CDH10: variants seen among roughly 807,000 people sequenced by gnomAD.
CDH10 encodes the protein cadherin 10, also known as cadherin-10.
In CDH10, 30 loss-of-function variants were observed where a neutral mutation model predicts 73.1. The ratio of observed to expected loss-of-function variants is 0.41; its 90% CI spans 0.31 to 0.56. The LOEUF is 0.56. CDH10 is among the 20% of genes least tolerant of loss of function. The probability of loss-of-function intolerance (pLI) is 0.27; values close to 1 mark genes in which losing one functional copy is unlikely to be tolerated. For synonymous variants in CDH10, 345 were observed against 348.2 expected (o/e 0.99, Z 0.10); for missense variants, 815 against 973.7 (o/e 0.84, Z 2.17).
chr5:24,492,046 T>C (rs148968485), intron 10 of CDH10, among the ~76,000 whole-genome samples: 46 of 152,324 alleles, frequency 3.0e-4, no homozygotes, highest in African/African-American at 1.0e-3. Context: ...GGTTTTCATG[T>C]AATTCCTCAG....
chr5:24,611,132 G>A (rs924817927), intron 1 of CDH10, among the ~76,000 whole-genome samples: 6 of 152,270 alleles, frequency 3.9e-5, no homozygotes, highest in African/African-American at 1.4e-4. Flanking sequence ...CAGTTGCTCA[G>A]TAAGTTCCTG....
chr5:24,563,911 C>G (rs1745066460), intron 2 of CDH10, among the ~76,000 whole-genome samples: 1 of 151,892 alleles, frequency 6.6e-6, no homozygotes, highest in South Asian at 2.1e-4. Flanking sequence ...TGGGTTGTAA[C>G]CCATCACTAA....
chr5:24,532,005 C>T (rs569996938), intron 5 of CDH10, among the ~76,000 whole-genome samples: 9 of 152,160 alleles, frequency 5.9e-5, no homozygotes, highest in South Asian at 2.1e-4. Flanking sequence ...TAATCAAAAA[C>T]GTCTTGGGAC....
In CDH10 at chr5:24,535,808, G is replaced by C. The variant is rs375653846; in HGVS notation, c.541C>G (p.Gln181Glu). Residue 181 changes from glutamine to glutamate, a missense_variant, in exon 4 of 12, where the codon CAA becomes GAA. By Grantham distance (29) the Gln-to-Glu change is conservative. Around this residue, in one of 3 missense-constraint regions of CDH10, gnomAD observed 516 missense variants for 636.6 expected, o/e 0.81. Coordinates refer to ENST00000264463, the MANE Select transcript of CDH10 (RefSeq NM_006727.5). ...EMSVVGTSVV[Q>E]VTATDADDPS... The stretch of plus-strand genomic sequence containing the variant: ...TCATCGGCATCTGTAGCTGTGACTT[G>C]CACCACAGAAGTACCTGAAGTATCC... The C allele has an allele frequency of 4.0e-5, 64 of 1,608,754 alleles. No homozygotes were observed. The highest frequency in any genetic ancestry group is 5.3e-5 in the Non-Finnish European group (62 of 1,176,474).
chr5:24,611,990 T>C (rs1746965730), intron 1 of CDH10: 1 of 152,146 alleles, frequency 6.6e-6, no homozygotes, highest in Non-Finnish European at 1.5e-5. Context: ...GATGAAACCT[T>C]AATTGCAACC....
chr5:24,551,919 T>C (rs1416205712), intron 2 of CDH10, among the ~76,000 whole-genome samples: 1 of 152,100 alleles, frequency 6.6e-6, no homozygotes, highest in Non-Finnish European at 1.5e-5. Flanking sequence ...CATCTTAGGG[T>C]TCTTGGTCTT....
At chr5:24,588,829 C>T (rs985489189) in intron 2 of CDH10, among the ~76,000 whole-genome samples, 14 of 151,960 alleles carry the variant, frequency 9.2e-5, no homozygotes, top group African/African-American at 2.9e-4. Context: ...AAATACATTC[C>T]CAAGGAATAA....
intron 2 of CDH10, among the ~76,000 whole-genome samples, chr5:24,556,797 C>G (rs1450528943): frequency 6.6e-6 from 1 of 151,480 alleles, no homozygotes; most frequent in Admixed American, 6.6e-5. Flanking sequence ...ATTTGGTATG[C>G]CTTTCATTCT....
intron 1 of CDH10, among the ~76,000 whole-genome samples, chr5:24,595,880 A>G (rs1252929110): frequency 6.6e-6 from 1 of 151,934 alleles, no homozygotes; most frequent in African/African-American, 2.4e-5. Context: ...TGGGGACTAT[A>G]GCTATAAAAG....
intron 1 of CDH10, among the ~76,000 whole-genome samples, chr5:24,604,054 ATAAAAAT>A (rs1365854733): frequency 6.6e-6 from 1 of 152,198 alleles, no homozygotes; most frequent in Non-Finnish European, 1.5e-5. Context: ...TGAAATAAAA[ATAAAAAT>A]TAAAAATGTC....
intron 2 of CDH10, among the ~76,000 whole-genome samples, chr5:24,567,990 A>T (rs1745224384): frequency 6.6e-6 from 1 of 152,098 alleles, no homozygotes; most frequent in Admixed American, 6.5e-5. Context: ...TTTAATCATG[A>T]TCAAAACAGG....
chr5:24,582,649 A>T (rs1745843870), intron 2 of CDH10, among the ~76,000 whole-genome samples: 1 of 152,214 alleles, frequency 6.6e-6, no homozygotes, highest in South Asian at 2.1e-4. Flanking sequence ...TTTAAAACAT[A>T]AAGGTCAATT....
intron 2 of CDH10, among the ~76,000 whole-genome samples, chr5:24,567,674 T>C (rs1745213145): frequency 6.6e-6 from 1 of 152,006 alleles, no homozygotes; most frequent in Non-Finnish European, 1.5e-5. Flanking sequence ...CAGAGGGAAA[T>C]TTCAGGGTAA....
chr5:24,613,879 T>C (rs1017211977), intron 1 of CDH10, among the ~76,000 whole-genome samples: 2 of 152,332 alleles, frequency 1.3e-5, no homozygotes, highest in Admixed American at 6.5e-5. Context: ...ATGTTCTATG[T>C]ATTTATTCAA....
intron 5 of CDH10, among the ~76,000 whole-genome samples, chr5:24,520,678 G>A (rs957926781): frequency 3.3e-5 from 5 of 152,000 alleles, no homozygotes; most frequent in South Asian, 2.1e-4. Context: ...TATTAAACAC[G>A]ACTAGAAAAT....
chr5:24,554,975 A>G (rs1286675989), intron 2 of CDH10, among the ~76,000 whole-genome samples: 1 of 151,782 alleles, frequency 6.6e-6, no homozygotes, highest in Admixed American at 6.6e-5. Context: ...GATTTATTAG[A>G]CCTCAATTAA....
chr5:24,559,495 T>C (rs1744880489), intron 2 of CDH10, among the ~76,000 whole-genome samples: 1 of 152,052 alleles, frequency 6.6e-6, no homozygotes, highest in Non-Finnish European at 1.5e-5. Flanking sequence ...ATTTCACTAT[T>C]GAACTGATTC....
chr5:24,563,597 C>CAAAAAAAAAAAAA (rs70965616), intron 2 of CDH10, among the ~76,000 whole-genome samples: 42 of 88,586 alleles, frequency 4.7e-4, no homozygotes, highest in African/African-American at 8.5e-4. Flanking sequence ...ACTAAAAATA[C>CAAAAAAAAAAAAA]AAAAAAAAAA....
chr5:24,616,595 T>TA (rs1408840502), intron 1 of CDH10, among the ~76,000 whole-genome samples: 1 of 152,110 alleles, frequency 6.6e-6, no homozygotes, highest in Non-Finnish European at 1.5e-5. Flanking sequence ...TTTCTATATT[T>TA]AAAAAAAGAA....
Sources: allele counts gnomAD v4.1 joint callset (sites outside exome capture counted in the v4.1 genomes callset), GRCh38; gene constraint gnomAD v4.1.1; regional missense constraint gnomAD v4.1.1; transcripts MANE v1.5; gene names NCBI Gene and HGNC (gene_info 2026-07-23, HGNC 2026-07-21).